EFCAB11: variants seen among roughly 807,000 people sequenced by gnomAD.
EFCAB11 encodes the protein EF-hand calcium binding domain 11.
A neutral mutation model predicts 23.0 loss-of-function variants in EFCAB11; 14 were observed. That is an observed-to-expected ratio of 0.61 (90% CI 0.40 to 0.95). EFCAB11 has a LOEUF of 0.95. EFCAB11 is among the 40% of genes least tolerant of loss of function. EFCAB11 has a pLI of 0.00. For synonymous variants in EFCAB11, 65 were observed against 66.6 expected (o/e 0.98, Z 0.11); for missense variants, 198 against 195.8 (o/e 1.01, Z -0.07).
intron 5 of EFCAB11, among the ~76,000 whole-genome samples, chr14:89,873,737 C>T (rs1888353146): frequency 6.6e-6 from 1 of 152,202 alleles, no homozygotes; most frequent in Non-Finnish European, 1.5e-5. Context: ...AAAATGATCT[C>T]CTTTGACTCC....
chr14:89,942,445 T>C (rs1450976898), intron 3 of EFCAB11, among the ~76,000 whole-genome samples: 2 of 152,196 alleles, frequency 1.3e-5, no homozygotes, highest in Non-Finnish European at 2.9e-5. Flanking sequence ...GAAGCCTAGG[T>C]TCCTCATTTT....
intron 5 of EFCAB11, among the ~76,000 whole-genome samples, chr14:89,877,718 C>T (rs1266822913): frequency 1.3e-5 from 2 of 152,154 alleles, no homozygotes; most frequent in African/African-American, 4.8e-5. Context: ...AAGGGTTTGG[C>T]AGTTGTTTGG....
At chr14:89,941,985 T>A (rs1435207289) in intron 3 of EFCAB11, among the ~76,000 whole-genome samples, 1 of 152,142 alleles carries the variant, frequency 6.6e-6, no homozygotes, top group Non-Finnish European at 1.5e-5. Flanking sequence ...GAGGGCTGAC[T>A]TCCCCCTTGT....
intron 3 of EFCAB11, among the ~76,000 whole-genome samples, chr14:89,938,665 T>C (rs895819316): frequency 3.9e-5 from 6 of 152,096 alleles, no homozygotes; most frequent in African/African-American, 9.7e-5. Flanking sequence ...CTCACATCTG[T>C]AATCCCAGCA....
At chr14:89,952,815 A>C (rs1323806345) in intron 2 of EFCAB11, among the ~76,000 whole-genome samples, 1 of 152,170 alleles carries the variant, frequency 6.6e-6, no homozygotes, top group African/African-American at 2.4e-5. Flanking sequence ...TGGTCTAATG[A>C]GAGTGAGGGA....
rs192590020 is a variant in EFCAB11, at chr14:89,828,874, C to T, written c.411-31550G>A. On this transcript the variant is annotated intron_variant, in intron 5 of 5. Transcript: ENST00000316738. ...TACTTGGAAATATTGGGTGAATCTG[C>T]AGCAAAGAAGGTGGCTCAAGCACTA... Among the ~76,000 whole-genome samples, 682 of 152,266 alleles carry T rather than the reference C, an allele frequency of 4.5e-3. 7 individuals carry two copies. Among genetic ancestry groups the T allele is most frequent in the African/African-American group, 0.016 (649 of 41,554 alleles).
intron 5 of EFCAB11, among the ~76,000 whole-genome samples, chr14:89,799,869 C>T (rs963208850): frequency 6.6e-6 from 1 of 152,080 alleles, no homozygotes; most frequent in Non-Finnish European, 1.5e-5. Context: ...AAGAAACTAT[C>T]ACCTCATTGT....
chr14:89,906,171 T>TA (rs995534047), intron 5 of EFCAB11, among the ~76,000 whole-genome samples: 3 of 130,544 alleles, frequency 2.3e-5, no homozygotes, highest in Non-Finnish European at 4.7e-5. Context: ...ATTAGAGCAC[T>TA]AAAATAAATA....
chr14:89,898,286 G>A (rs189460121), intron 5 of EFCAB11, among the ~76,000 whole-genome samples: 1 of 152,102 alleles, frequency 6.6e-6, no homozygotes, highest in African/African-American at 2.4e-5. Context: ...GAAAATCTAT[G>A]CATGACCCTA....
chr14:89,953,520 T>C (rs991686301), intron 2 of EFCAB11, among the ~76,000 whole-genome samples: 2 of 152,222 alleles, frequency 1.3e-5, no homozygotes, highest in South Asian at 4.1e-4. Flanking sequence ...TGCACTGTTT[T>C]AATTTTTTGA....
At chr14:89,828,080 A>C (rs1886761368) in intron 5 of EFCAB11, among the ~76,000 whole-genome samples, 1 of 152,150 alleles carries the variant, frequency 6.6e-6, no homozygotes, top group South Asian at 2.1e-4. Context: ...TGACAGTAGA[A>C]ATTTTTGCCT....
intron 5 of EFCAB11, among the ~76,000 whole-genome samples, chr14:89,870,672 C>CT (rs1443931874): frequency 1.3e-5 from 2 of 151,696 alleles, no homozygotes; most frequent in African/African-American, 4.9e-5. Context: ...TGGCTCATGC[C>CT]TGTAATCCCA....
chr14:89,947,938 T>C (rs1891036677), intron 3 of EFCAB11, among the ~76,000 whole-genome samples: 1 of 152,252 alleles, frequency 6.6e-6, no homozygotes, highest in East Asian at 1.9e-4. Flanking sequence ...TTCTCAAACA[T>C]ACTCAAAATT....
intron 2 of EFCAB11, among the ~76,000 whole-genome samples, chr14:89,953,117 A>G (rs1292896548): frequency 6.6e-6 from 1 of 151,932 alleles, no homozygotes; most frequent in African/African-American, 2.4e-5. Context: ...TACATATTCC[A>G]TGACCTAGCA....
chr14:89,868,952 T>A (rs1888183601), intron 5 of EFCAB11, among the ~76,000 whole-genome samples: 2 of 152,162 alleles, frequency 1.3e-5, no homozygotes. Flanking sequence ...ACGTCTGTAA[T>A]TCCAGCACTT....
At chr14:89,921,176 G>C (rs571241154) in intron 5 of EFCAB11, among the ~76,000 whole-genome samples, 1 of 152,194 alleles carries the variant, frequency 6.6e-6, no homozygotes, top group African/African-American at 2.4e-5. Context: ...GAAGAGGAAA[G>C]AGAGCAGTGA....
chr14:89,848,291 G>GAT (rs1206194501), intron 5 of EFCAB11: 1 of 152,102 alleles, frequency 6.6e-6, no homozygotes, highest in African/African-American at 2.4e-5. Context: ...GTTTGGTACC[G>GAT]ATATATGACT....
chr14:89,854,281 A>AT (rs1887684076), intron 5 of EFCAB11, among the ~76,000 whole-genome samples: 2 of 152,122 alleles, frequency 1.3e-5, no homozygotes, highest in Non-Finnish European at 2.9e-5. Context: ...CCTAATGAGT[A>AT]AAAGCAAGCT....
intron 5 of EFCAB11, among the ~76,000 whole-genome samples, chr14:89,850,629 T>A (rs148124422): frequency 2.0e-5 from 3 of 152,384 alleles, no homozygotes; most frequent in African/African-American, 7.2e-5. Flanking sequence ...ACCTCCATTC[T>A]AAGCCCTTGC....
Sources: gnomAD v4.1 joint callset for allele counts (sites outside exome capture counted in the v4.1 genomes callset) on GRCh38, gnomAD v4.1.1 for gene constraint, MANE v1.5 for transcripts, NCBI Gene and HGNC (gene_info 2026-07-23, HGNC 2026-07-21) for gene names.